DMD: variants seen among roughly 807,000 people sequenced by gnomAD.
The protein encoded by DMD is mutant dystrophin.
In DMD, 63 loss-of-function variants were observed where a neutral mutation model predicts 330.1. The observed-to-expected ratio is 0.19, with a 90% CI of 0.16 to 0.24. The LOEUF (loss-of-function observed/expected upper bound fraction) is 0.24. DMD is among the 10% of genes least tolerant of loss of function. The pLI, the probability that DMD is intolerant of heterozygous loss-of-function variation, is 1.00. For missense variants in DMD, 3,344 were observed against 2,684.1 expected (o/e 1.25, Z -5.43); for synonymous variants, 1,223 against 959.8 (o/e 1.27, Z -5.07).
At chrX:32,520,438 G>A (rs1018567683) in intron 17 of DMD, among the ~76,000 whole-genome samples, 8 of 111,597 alleles carry the variant, frequency 7.2e-5, no homozygotes, top group Non-Finnish European at 1.5e-4. Context: ...AATTTCCTGT[G>A]TCTCTCTATC....
chrX:32,242,589 G>C (rs73460043), intron 43 of DMD, among the ~76,000 whole-genome samples: 1 of 111,186 alleles, frequency 9.0e-6, no homozygotes, highest in African/African-American at 3.3e-5. Flanking sequence ...TATACAAAGA[G>C]TATGTAACTT....
chrX:31,403,922 A>G (rs1377889545), intron 60 of DMD, among the ~76,000 whole-genome samples: 1 of 111,854 alleles, frequency 8.9e-6, no homozygotes, highest in African/African-American at 3.2e-5. Flanking sequence ...GTTATTTCAG[A>G]GATTATACAA....
At chrX:32,911,923 C>A (rs1015006184) in intron 2 of DMD, among the ~76,000 whole-genome samples, 1 of 109,980 alleles carries the variant, frequency 9.1e-6, no homozygotes, top group African/African-American at 3.3e-5. Context: ...AGTTGACAAG[C>A]TGTGGAGGAC....
In DMD at chrX:32,879,140, T is replaced by A. The variant is rs772048408; in HGVS notation, c.94-29320A>T. 3.6e-5 allele frequency among the ~76,000 whole-genome samples: 4 copies of A among 111,812 alleles called. No individual in the cohort carries two copies. In the East Asian group the frequency reaches 1.1e-3, roughly 31 times the overall value. On this transcript the variant is annotated intron_variant, in intron 2 of 78. Coordinates refer to ENST00000357033, the MANE Select transcript of DMD (RefSeq NM_004006.3). ...CTTTTTATTCCTGCATCTGTTACCGTTATTCTCCCTATGCCTCTCACAGCC... is the reference window on the plus strand; with the variant it reads ...CTTTTTATTCCTGCATCTGTTACCGATATTCTCCCTATGCCTCTCACAGCC...
At chrX:32,792,406 A>T (rs979795308) in intron 7 of DMD, among the ~76,000 whole-genome samples, 16 of 112,088 alleles carry the variant, frequency 1.4e-4, no homozygotes, top group South Asian at 7.4e-4. Context: ...GAAAAAAATG[A>T]AGAAAAAATA....
chrX:32,474,172 G>A (rs2040957991), intron 21 of DMD, among the ~76,000 whole-genome samples: 2 of 108,713 alleles, frequency 1.8e-5, no homozygotes, highest in Admixed American at 2.0e-4. Context: ...TCATTTTTAT[G>A]ACTGAGTAGT....
chrX:32,173,606 C>T (rs1417207697), intron 44 of DMD, among the ~76,000 whole-genome samples: 1 of 111,029 alleles, frequency 9.0e-6, no homozygotes, highest in African/African-American at 3.3e-5. Flanking sequence ...TTCCTGACCT[C>T]ATGATCTGCC....
chrX:31,373,137 G>C (rs1303343364), intron 60 of DMD, among the ~76,000 whole-genome samples: 1 of 106,844 alleles, frequency 9.4e-6, no homozygotes, highest in Non-Finnish European at 1.9e-5. Flanking sequence ...TCTTCAAGGA[G>C]AACTACAAAC....
chrX:32,590,761 T>C (rs766584047), intron 13 of DMD, among the ~76,000 whole-genome samples: 11 of 111,311 alleles, frequency 9.9e-5, no homozygotes, highest in Non-Finnish European at 1.9e-4. Context: ...AGCTGCACTG[T>C]CAGCTTCTCT....
At chrX:32,547,315 C>A (rs1050256040) in intron 16 of DMD, among the ~76,000 whole-genome samples, 16 of 110,737 alleles carry the variant, frequency 1.4e-4, no homozygotes, top group Non-Finnish European at 2.7e-4. Flanking sequence ...AAATTGGATA[C>A]ATGTGCCCAT....
At chrX:31,876,309 C>T (rs758573749) in intron 47 of DMD, among the ~76,000 whole-genome samples, 1 of 111,966 alleles carries the variant, frequency 8.9e-6, no homozygotes, top group Non-Finnish European at 1.9e-5. Context: ...ATTGTGAGGT[C>T]TAGAGTTAGG....
At chrX:33,320,797 T>C (rs1015981277) in intron 1 of DMD, among the ~76,000 whole-genome samples, 1 of 112,759 alleles carries the variant, frequency 8.9e-6, no homozygotes, top group East Asian at 2.8e-4. Flanking sequence ...TCTTCTCAAA[T>C]TCTGCCACTA....
chrX:31,784,684 CTT>C (rs1455254717), intron 50 of DMD, among the ~76,000 whole-genome samples: 2 of 111,112 alleles, frequency 1.8e-5, no homozygotes, highest in Non-Finnish European at 1.9e-5. Flanking sequence ...ATGATACTCT[CTT>C]CTGACATATT....
chrX:32,594,752 T>C (rs1204399490), intron 13 of DMD, among the ~76,000 whole-genome samples: 1 of 111,686 alleles, frequency 9.0e-6, no homozygotes, highest in East Asian at 2.8e-4. Flanking sequence ...TTCTTGCTTT[T>C]AAAAAGTAAA....
Position 32,816,658 on chromosome X carries a change from T to C in DMD, c.358-18A>G. 1 of 1,203,312 alleles carries C rather than the reference T, an allele frequency of 8.3e-7. No individual in the cohort carries two copies. Among genetic ancestry groups the C allele is most frequent in the Non-Finnish European group, 1.1e-6 (1 of 887,922 alleles). On this transcript the variant is annotated intron_variant, in intron 5 of 78. Coordinates refer to ENST00000357033, the MANE Select transcript of DMD (RefSeq NM_004006.3). ...TTTTTGACCTACATGTGGAAATAAA[T>C]TTTCATAAGAAAATGCATTCCTTGA...
At chrX:32,179,689 C>G (rs1483219301) in intron 44 of DMD, among the ~76,000 whole-genome samples, 1 of 111,956 alleles carries the variant, frequency 8.9e-6, no homozygotes, top group Non-Finnish European at 1.9e-5. Flanking sequence ...TTGTAGCTCC[C>G]ATAATCCCCA....
chrX:32,756,943 T>A (rs1165011179), intron 7 of DMD, among the ~76,000 whole-genome samples: 1 of 111,789 alleles, frequency 8.9e-6, no homozygotes, highest in Admixed American at 9.5e-5. Flanking sequence ...CATAAGTTCA[T>A]GGTGACATGA....
At chrX:32,463,853 A>G (rs1035427392) in intron 24 of DMD, among the ~76,000 whole-genome samples, 3 of 112,075 alleles carry the variant, frequency 2.7e-5, no homozygotes, top group Non-Finnish European at 5.6e-5. Context: ...AATAAATTTA[A>G]TATTTCTGGT....
chrX:32,007,578 A>G (rs758306605), intron 44 of DMD, among the ~76,000 whole-genome samples: 8 of 111,251 alleles, frequency 7.2e-5, no homozygotes, highest in Non-Finnish European at 1.5e-4. Flanking sequence ...TTTAGCATCT[A>G]TTGGTCTCCC....
Sources: allele counts gnomAD v4.1 joint callset (sites outside exome capture counted in the v4.1 genomes callset), GRCh38; gene constraint gnomAD v4.1.1; transcripts MANE v1.5; gene names NCBI Gene and HGNC (gene_info 2026-07-23, HGNC 2026-07-21).